The following OBSL1 variants were observed in gnomAD, a reference collection of about 807,000 sequenced individuals.
OBSL1 encodes obscurin like cytoskeletal adaptor 1, also known as obscurin-like protein 1.
In OBSL1, 160 loss-of-function variants were observed where a neutral mutation model predicts 172.0. That is an observed-to-expected ratio of 0.93 (90% CI 0.82 to 1.06). The LOEUF is 1.06. Ranked by LOEUF, OBSL1 falls within the 50% of genes least tolerant of loss-of-function variation. OBSL1 has a pLI of 0.00. For missense variants in OBSL1, 2,681 were observed against 2,715.4 expected, an observed-to-expected ratio of 0.99 and a Z score of 0.28; for synonymous variants, 1,200 against 1,196.3, an observed-to-expected ratio of 1.00 and a Z score of -0.06.
Position 219,551,644 on chromosome 2 carries a change from CATCTCATACTT to C in OBSL1, c.5557_5567del (p.Lys1853AlafsTer13). 6.2e-7 allele frequency: 1 copy of C among 1,611,832 alleles called. No individual in the cohort carries two copies. The highest frequency in any genetic ancestry group is 8.5e-7 in the Non-Finnish European group (1 of 1,179,242). On this transcript the variant is annotated frameshift_variant, in exon 20 of 21. Coordinates refer to ENST00000404537, the MANE Select transcript of OBSL1 (RefSeq NM_015311.3). LOFTEE classifies it high-confidence loss of function. ...GGCTGTGGGTGGGGCCGTGGCTGCG[CATCTCATACTT>C]ATCTCCCGGGCACAGCTCGGCCCCC...
chr2:219,563,316 A>G, intron 7 of OBSL1, 39 bp downstream of exon 7: 1 of 1,517,098 alleles, frequency 6.6e-7, no homozygotes, highest in Non-Finnish European at 8.9e-7. Context: ...GAGCAGGGGC[A>G]CCTTCCCCTG....
At position 219,566,942 on chromosome 2, in the gene OBSL1, C is replaced by T; in HGVS notation, c.2022G>A (p.Gln674=). 6.2e-7 allele frequency: 1 copy of T among 1,613,864 alleles called. No homozygotes were observed. The highest frequency in any genetic ancestry group is 8.5e-7 in the Non-Finnish European group (1 of 1,179,888). Residue 674 remains glutamine, a synonymous_variant, in exon 5 of 21, where the codon CAG becomes CAA. Coordinates refer to ENST00000404537, the MANE Select transcript of OBSL1 (RefSeq NM_015311.3). ...EPGALRYRIE[Q]KGLQHRLILH... is the part of the protein sequence containing the mutation. Reference sequence around the variant, plus strand: ...GGATGAGTCTGTGCTGCAGACCCTTCTGCTCTATACGGTACCGCAGGGCCC... The same window carrying T: ...GGATGAGTCTGTGCTGCAGACCCTTTTGCTCTATACGGTACCGCAGGGCCC...
At position 219,567,407 on chromosome 2, in the gene OBSL1, C is replaced by T. The variant is rs755659864; in HGVS notation, c.1703G>A (p.Ser568Asn). 2.4e-5 allele frequency: 38 copies of T among 1,612,942 alleles called. No homozygotes were observed. The highest frequency in any genetic ancestry group is 8.5e-7 in the Non-Finnish European group (1 of 1,179,534). Residue 568 changes from serine (S) to asparagine (N), a missense_variant, in exon 4 of 21, where the codon AGC becomes AAC. Physicochemically the swap from Ser to Asn is conservative, Grantham distance 46 (BLOSUM62 1). This residue lies in a region of OBSL1 where 706 missense variants were observed against 695.8 expected (regional missense o/e 1.01). Coordinates refer to ENST00000404537, the MANE Select transcript of OBSL1 (RefSeq NM_015311.3). ...VGSEDWIQCF[S>N]IEKAGAVEVP... ...CTCCACGGCTCCGGCTTTCTCGATG[C>T]TGAAGCACTGAATCCAGTCTTCAGA...
At position 219,559,291 on chromosome 2, in the gene OBSL1, C is replaced by T. The variant is rs371785529; in HGVS notation, c.3160G>A (p.Glu1054Lys). 1.3e-5 allele frequency: 21 copies of T among 1,613,776 alleles called. No individual in the cohort carries two copies. The Middle Eastern group carries it at 9.9e-4, about 76-fold the overall frequency. ...TCACATACAAACTCGCCCCCGTCCTCGGGCTGAGCAGCAGGTAGCACCAGG... is the reference window on the plus strand; with the variant it reads ...TCACATACAAACTCGCCCCCGTCCTTGGGCTGAGCAGCAGGTAGCACCAGG... The part of the protein sequence containing the change: ...CRLVLPAAQP[E>K]DGGEFVCDAG... The change falls in exon 9 of 21, where the codon GAG becomes AAG. Residue 1054 changes from glutamate (E) to lysine (K), a missense_variant. This residue lies in a region of OBSL1 where 1,765 missense variants were observed against 1,748.3 expected (regional missense o/e 1.01). Transcript: ENST00000404537.
At position 219,552,119 on chromosome 2, in the gene OBSL1, T is replaced by C; in HGVS notation, c.5406A>G (p.Glu1802=). 1.9e-6 allele frequency: 3 copies of C among 1,609,532 alleles called. No individual in the cohort carries two copies. Among genetic ancestry groups the C allele is most frequent in the Middle Eastern group, 1.7e-4 (1 of 6,058 alleles). The change falls in exon 19 of 21, where the codon GAA becomes GAG. Residue 1802 remains glutamate, a synonymous_variant. Transcript: ENST00000404537. ...AGPAQSLALL[E]VEALPLQMCR... is the part of the protein sequence containing the mutation. ...CCCACCCCAGGTGCTTACCCTCCAC[T>C]TCCAGTAGAGCCAGGGACTGGGCGG...
At position 219,558,423 on chromosome 2, in the gene OBSL1, G is replaced by T; in HGVS notation, c.3263C>A (p.Ser1088Tyr). The T allele has an allele frequency of 6.3e-7, 1 of 1,595,662 alleles. No homozygotes were observed. The highest frequency in any genetic ancestry group is 8.5e-7 in the Non-Finnish European group (1 of 1,172,784). The stretch of plus-strand genomic sequence containing the variant: ...TGGAGCCCCAAAATGCAGATCCAGG[G>T]AGCGGGCTGCCGGGTGCACAATCCT... ...PERIVHPAAR[S>Y]LDLHFGAPGR... The change falls in exon 10 of 21, where the codon TCC (serine) becomes TAC (tyrosine). Residue 1088 changes from serine (S) to tyrosine (Y), a missense_variant. Transcript: ENST00000404537.
At position 219,568,208 on chromosome 2, in the gene OBSL1, C is replaced by T. The variant is rs1461107874; in HGVS notation, c.1129G>A (p.Asp377Asn). The T allele has an allele frequency of 6.2e-7, 1 of 1,613,660 alleles. No homozygotes were observed. Among genetic ancestry groups the T allele is most frequent in the Admixed American group, 1.7e-5 (1 of 60,024 alleles). The change falls in exon 2 of 21, where the codon GAC (aspartate) becomes AAC (asparagine). Residue 377 changes from aspartate to asparagine, a missense_variant. By Grantham distance (23) the Asp-to-Asn change is conservative. Around this residue, in one of 5 missense-constraint regions of OBSL1, gnomAD observed 706 missense variants for 695.8 expected, o/e 1.01. Coordinates refer to ENST00000404537, the MANE Select transcript of OBSL1 (RefSeq NM_015311.3). This position sits in a 1 kb window ranked among gnomAD's most constrained non-coding sequence, Gnocchi z 4.1. ...SRIPTAWFRE[D>N]QRLLPCRKYE... is the part of the protein sequence containing the mutation. ...TTGCGGCAGGGCAGCAGCCGCTGGT[C>T]CTCACGGAACCAGGCCGTGGGGATG...
chr2:219,571,257 G>T lies in OBSL1; in HGVS notation c.-25C>A. 1 of 1,268,978 alleles carries T rather than the reference G, an allele frequency of 7.9e-7. No homozygotes were observed. The highest frequency in any genetic ancestry group is 1.0e-6 in the Non-Finnish European group (1 of 1,000,364). The allele number at this position is 1,268,978 out of a possible 1,614,324, so 78.6% of individuals were successfully genotyped here. A position where few individuals can be genotyped will look rare whatever the true frequency, so the allele number is the denominator to read the frequency against. ...TCGCGGCGGCCGACCGCCTGCAGCG[G>T]CGAACGGTGGGGGGGCAGGGGGGGG... On this transcript the variant is annotated 5_prime_UTR_variant, in exon 1 of 21. Coordinates refer to ENST00000404537, the MANE Select transcript of OBSL1 (RefSeq NM_015311.3).
Position 219,554,707 on chromosome 2 carries a change from T to G in OBSL1, c.4643A>C (p.Asp1548Ala), listed in dbSNP as rs1450640729. ...RQLRVLRPLE[D>A]VTISEGGSAT... ...ACTGCCCCCCTCACTGATGGTCACG[T>G]CCTCCAGAGGCCGCAGCACCCTCAG... The change falls in exon 15 of 21, where the codon GAC (aspartate) becomes GCC (alanine). Residue 1548 changes from aspartate to alanine, a missense_variant. Around this residue, in one of 5 missense-constraint regions of OBSL1, gnomAD observed 1,765 missense variants for 1,748.3 expected, o/e 1.01. Coordinates refer to ENST00000404537, the MANE Select transcript of OBSL1 (RefSeq NM_015311.3). 6.4e-7 allele frequency: 1 copy of G among 1,573,242 alleles called. No homozygotes were observed. Among genetic ancestry groups the G allele is most frequent in the South Asian group, 1.2e-5 (1 of 86,498 alleles).
chr2:219,570,702 G>C lies in OBSL1; in HGVS notation c.531C>G (p.Phe177Leu), dbSNP rs1574587436. The C allele has an allele frequency of 1.3e-6, 2 of 1,509,438 alleles. No homozygotes were observed. Among genetic ancestry groups the C allele is most frequent in the Non-Finnish European group, 1.8e-6 (2 of 1,135,476 alleles). 93.5% of individuals were successfully genotyped at this position (1,509,438 alleles called of 1,614,324 possible). Residue 177 changes from phenylalanine (F) to leucine (L), a missense_variant, in exon 1 of 21, where the codon TTC (phenylalanine) becomes TTG (leucine). Coordinates refer to ENST00000404537, the MANE Select transcript of OBSL1 (RefSeq NM_015311.3). ...ALDEVWDSSH[F>L]ALQPGRAEDG... ...CCTCGGCGCGGCCCGGCTGGAGCGC[G>C]AAGTGGCTGCTGTCCCACACTTCGT...
In OBSL1 at chr2:219,571,133, C is replaced by A. The variant is rs777744800; in HGVS notation, c.100G>T (p.Val34Leu). ...ACAGGCGGCGGCTCCCCCAGGACCACGCACTTGAGCTCGGCCTCGGCGCCA... is the reference window on the plus strand; with the variant it reads ...ACAGGCGGCGGCTCCCCCAGGACCAAGCACTTGAGCTCGGCCTCGGCGCCA... Reference protein sequence around the residue: ...VSGAEAELKCVVLGEPPPVVV... With the variant: ...VSGAEAELKCLVLGEPPPVVV... The change falls in exon 1 of 21, where the codon GTG becomes TTG. Residue 34 changes from valine (V) to leucine (L), a missense_variant. Transcript: ENST00000404537. 2 of 1,482,452 alleles carry A rather than the reference C, an allele frequency of 1.3e-6. No homozygotes were observed. The highest frequency in any genetic ancestry group is 2.8e-5 in the East Asian group (1 of 35,204). The allele number at this position is 1,482,452 out of a possible 1,614,324, so 91.8% of individuals were successfully genotyped here.
chr2:219,563,866 G>A (rs1696680776), intron 6 of OBSL1, among the ~76,000 whole-genome samples: 1 of 152,186 alleles, frequency 6.6e-6, no homozygotes, highest in African/African-American at 2.4e-5. Flanking sequence ...GAGGTGGCGG[G>A]GTGAGTACAT....
intron 15 of OBSL1, 47 bp downstream of exon 15, chr2:219,554,427 T>C: frequency 1.3e-6 from 2 of 1,598,516 alleles, no homozygotes; most frequent in Non-Finnish European, 1.7e-6. Flanking sequence ...CTGGGGTAAG[T>C]AGGGCCACAC....
Position 219,567,114 on chromosome 2 carries a change from C to T in OBSL1, c.1850G>A (p.Arg617His), listed in dbSNP as rs369705959. 1.6e-4 allele frequency: 261 copies of T among 1,612,946 alleles called. 2 individuals carry two copies. The South Asian group carries it at 2.6e-3, about 16-fold the overall frequency. Residue 617 changes from arginine (R) to histidine (H), a missense_variant, in exon 5 of 21, where the codon CGC becomes CAC. Physicochemically the swap from Arg to His is conservative, Grantham distance 29. Transcript: ENST00000404537. ...HGSAHLVPTA[R>H]LVAGLEDVQV... ...CACATCCTCCAGACCTGCCACCAGG[C>T]GAGCTGTGGGCACTGAGGCAGGGAC... is the stretch of plus-strand genomic sequence containing the variant.
chr2:219,567,580 G>T lies in OBSL1; in HGVS notation c.1535-5C>A. 6.2e-7 allele frequency: 1 copy of T among 1,606,274 alleles called. No homozygotes were observed. Among genetic ancestry groups the T allele is most frequent in the Non-Finnish European group, 8.5e-7 (1 of 1,173,650 alleles). On this transcript the variant is annotated splice_region_variant and splice_polypyrimidine_tract_variant and intron_variant, in intron 3 of 20. Transcript: ENST00000404537. ...CTGGGGGACTGTGCTTGACACCTGAGACCAAGGCAGGGATGTGTTCCGGCC... is the reference window on the plus strand; with the variant it reads ...CTGGGGGACTGTGCTTGACACCTGATACCAAGGCAGGGATGTGTTCCGGCC...
chr2:219,549,637 G>T, downstream of OBSL1: 5 of 1,584,250 alleles, frequency 3.2e-6, no homozygotes, highest in Non-Finnish European at 3.4e-6. Context: ...GAAGTGTCAG[G>T]CTTGTGGGAA....
intron 14 of OBSL1, chr2:219,555,819 A>C (rs1301778294): frequency 5.0e-6 from 7 of 1,403,160 alleles, no homozygotes; most frequent in Non-Finnish European, 6.5e-6. Flanking sequence ...TGGAATGCAA[A>C]ATCCACATGG....
Position 219,563,447 on chromosome 2 carries a change from C to T in OBSL1, c.2588G>A (p.Arg863His), listed in dbSNP as rs753610019. 11 of 1,613,500 alleles carry T rather than the reference C, an allele frequency of 6.8e-6. No individual in the cohort carries two copies. Among genetic ancestry groups the T allele is most frequent in the East Asian group, 2.2e-5 (1 of 44,874 alleles). The change falls in exon 7 of 21, where the codon CGC becomes CAC. Residue 863 changes from arginine to histidine, a missense_variant. By Grantham distance (29) the Arg-to-His change is conservative (BLOSUM62 0). Coordinates refer to ENST00000404537, the MANE Select transcript of OBSL1 (RefSeq NM_015311.3). Reference protein sequence around the residue: ...VVLENEGPHRRLVLPATQPSD... With the variant: ...VVLENEGPHRHLVLPATQPSD... ...GGGCTGGGTGGCGGGCAGCACCAGGCGGCGATGGGGCCCCTCATTCTCCAG... is the reference window on the plus strand; with the variant it reads ...GGGCTGGGTGGCGGGCAGCACCAGGTGGCGATGGGGCCCCTCATTCTCCAG...
At position 219,551,715 on chromosome 2, in the gene OBSL1, A is replaced by G. The variant is rs539632128; in HGVS notation, c.5497T>C (p.Ser1833Pro). 6.2e-7 allele frequency: 1 copy of G among 1,610,178 alleles called. No individual in the cohort carries two copies. Among genetic ancestry groups the G allele is most frequent in the African/African-American group, 1.3e-5 (1 of 74,984 alleles). Residue 1833 changes from serine (S) to proline (P), a missense_variant, in exon 20 of 21, where the codon TCC becomes CCC. Coordinates refer to ENST00000404537, the MANE Select transcript of OBSL1 (RefSeq NM_015311.3). ...GRRAVLEVTVSRSGGHVCWLR... is the reference protein window; with the variant it reads ...GRRAVLEVTVPRSGGHVCWLR... ...CAGCACACGTGGCCCCCCGAGCGGGACACAGTCACCTCCAGCACCGCCCGG... is the reference window on the plus strand; with the variant it reads ...CAGCACACGTGGCCCCCCGAGCGGGGCACAGTCACCTCCAGCACCGCCCGG...
Sources: allele counts gnomAD v4.1 joint callset (sites outside exome capture counted in the v4.1 genomes callset), GRCh38; gene constraint gnomAD v4.1.1; regional missense constraint gnomAD v4.1.1; non-coding constraint Gnocchi (gnomAD v3.1); transcripts MANE v1.5; gene names NCBI Gene and HGNC (gene_info 2026-07-23, HGNC 2026-07-21).